CFAP95: variants seen among roughly 807,000 people sequenced by gnomAD.
CFAP95 encodes the protein cilia- and flagella-associated protein 95.
chr9:69,825,806 A>C, the CFAP95 span, among the ~76,000 whole-genome samples: 2 of 152,280 alleles, frequency 1.3e-5, no homozygotes, highest in Admixed American at 1.3e-4. Context: ...TCCTTGGCCA[A>C]ATTGACATCT....
At chr9:69,827,752 C>G in the CFAP95 span, among the ~76,000 whole-genome samples, 1 of 152,160 alleles carries the variant, frequency 6.6e-6, no homozygotes, top group Non-Finnish European at 1.5e-5. Flanking sequence ...CGGTCCCACT[C>G]GGTCTCTTGC....
At chr9:69,886,886 T>G in the CFAP95 span, 1 of 1,612,380 alleles carries the variant, frequency 6.2e-7, no homozygotes, top group Non-Finnish European at 8.5e-7. Context: ...CATATGATTA[T>G]CAGCCACATG....
chr9:69,873,525 C>T, the CFAP95 span, among the ~76,000 whole-genome samples: 5 of 152,166 alleles, frequency 3.3e-5, no homozygotes, highest in Non-Finnish European at 7.3e-5. Flanking sequence ...CAATGCACCC[C>T]GTCACCTCAA....
chr9:69,875,731 T>G, the CFAP95 span, among the ~76,000 whole-genome samples: 3 of 152,230 alleles, frequency 2.0e-5, no homozygotes, highest in African/African-American at 7.2e-5. Flanking sequence ...TTATGGAATA[T>G]TTTCATTATC....
At chr9:69,845,885 C>T in the CFAP95 span, among the ~76,000 whole-genome samples, 1 of 152,182 alleles carries the variant, frequency 6.6e-6, no homozygotes, top group African/African-American at 2.4e-5. Flanking sequence ...ACCCAACCCT[C>T]TTCCCTTTGC....
At chr9:69,840,484 T>C in the CFAP95 span, among the ~76,000 whole-genome samples, 1 of 152,162 alleles carries the variant, frequency 6.6e-6, no homozygotes, top group Non-Finnish European at 1.5e-5. Flanking sequence ...AAGGTGTTGA[T>C]TCATTTAGTT....
At chr9:69,904,635 C>G in the CFAP95 span, among the ~76,000 whole-genome samples, 1 of 152,082 alleles carries the variant, frequency 6.6e-6, no homozygotes, top group Non-Finnish European at 1.5e-5. Context: ...ATTTGAGGCT[C>G]TCTTCAGTTT....
the CFAP95 span, among the ~76,000 whole-genome samples, chr9:69,869,863 A>G: frequency 6.6e-6 from 1 of 152,170 alleles, no homozygotes. Context: ...TATAATTAGT[A>G]TTACTCTTCA....
the CFAP95 span, among the ~76,000 whole-genome samples, chr9:69,903,963 A>C: frequency 0.018 from 2,811 of 152,248 alleles, 90 homozygotes; most frequent in Admixed American, 0.084. Flanking sequence ...GCCTCAAGTG[A>C]TCCTCACACC....
At chr9:69,831,899 A>G in the CFAP95 span, among the ~76,000 whole-genome samples, 1 of 152,234 alleles carries the variant, frequency 6.6e-6, no homozygotes, top group Non-Finnish European at 1.5e-5. Flanking sequence ...GGAGGTGACC[A>G]TAGCATCTTA....
At chr9:69,863,385 T>C in the CFAP95 span, among the ~76,000 whole-genome samples, 1 of 152,190 alleles carries the variant, frequency 6.6e-6, no homozygotes. Flanking sequence ...ATTTCCTTTA[T>C]GGCATATAGG....
the CFAP95 span, among the ~76,000 whole-genome samples, chr9:69,826,941 TC>T: frequency 6.6e-6 from 1 of 152,094 alleles, no homozygotes; most frequent in African/African-American, 2.4e-5. Context: ...TAGTACAAAA[TC>T]CCCACTAAAA....
chr9:69,832,788 G>A, the CFAP95 span, among the ~76,000 whole-genome samples: 2 of 149,924 alleles, frequency 1.3e-5, no homozygotes, highest in East Asian at 2.0e-4. Context: ...TTGGTGTGCT[G>A]CACCCATTAA....
chr9:69,883,063 C>T, the CFAP95 span, among the ~76,000 whole-genome samples: 1 of 152,090 alleles, frequency 6.6e-6, no homozygotes, highest in East Asian at 1.9e-4. Context: ...AGCAGTGAAG[C>T]CCTCATGTCC....
the CFAP95 span, among the ~76,000 whole-genome samples, chr9:69,851,758 C>T: frequency 6.6e-6 from 1 of 151,680 alleles, no homozygotes; most frequent in Admixed American, 6.6e-5. Context: ...GTCCTAGCTA[C>T]GTGGGAGGCT....
At chr9:69,836,003 G>A in the CFAP95 span, among the ~76,000 whole-genome samples, 1 of 152,194 alleles carries the variant, frequency 6.6e-6, no homozygotes, top group African/African-American at 2.4e-5. Context: ...CTGACCTGCA[G>A]CTCTGGATTC....
At chr9:69,879,101 A>G in the CFAP95 span, among the ~76,000 whole-genome samples, 1 of 152,312 alleles carries the variant, frequency 6.6e-6, no homozygotes, top group South Asian at 2.1e-4. Context: ...GGGAATTACA[A>G]TTCAACATGA....
chr9:69,876,357 A>C, the CFAP95 span, among the ~76,000 whole-genome samples: 1 of 151,906 alleles, frequency 6.6e-6, no homozygotes, highest in African/African-American at 2.4e-5. Context: ...ACATGACAAA[A>C]CCCCATCTCT....
At chr9:69,852,575 C>A in the CFAP95 span, among the ~76,000 whole-genome samples, 1 of 152,120 alleles carries the variant, frequency 6.6e-6, no homozygotes, top group Non-Finnish European at 1.5e-5. Context: ...CTCAATGATA[C>A]CACCCAGGGA....
Sources: allele counts gnomAD v4.1 joint callset (sites outside exome capture counted in the v4.1 genomes callset), GRCh38; gene constraint gnomAD v4.1.1; transcripts MANE v1.5; gene names NCBI Gene and HGNC (gene_info 2026-07-23, HGNC 2026-07-21).